Variants in CHTF18 observed in about 807,000 individuals in gnomAD.
CHTF18 encodes the protein chromosome transmission fidelity factor 18, also known as chromosome transmission fidelity protein 18 homolog.
A neutral mutation model predicts 113.4 loss-of-function variants in CHTF18; 151 were observed. That is an observed-to-expected ratio of 1.33 (90% CI 1.17 to 1.52). CHTF18 has a LOEUF of 1.52. Among genes scored for constraint, CHTF18 ranks in the 40% most tolerant of loss-of-function variants. CHTF18 has a pLI of 0.00. For synonymous variants in CHTF18, 916 were observed against 598.8 expected (o/e 1.53, Z -7.74); for missense variants, 1,982 against 1,381.6 (o/e 1.43, Z -6.89).
At position 796,859 on chromosome 16, in the gene CHTF18, C is replaced by G. The variant is rs544646994; in HGVS notation, c.2599C>G (p.Gln867Glu). The G allele has an allele frequency of 6.3e-7, 1 of 1,593,770 alleles. No homozygotes were observed. Among genetic ancestry groups the G allele is most frequent in the East Asian group, 2.3e-5 (1 of 44,356 alleles). ...TTCTGCCCGGGTAGAGAACAGCCCC[C>G]AGGTGAGCCCACCCAGGCTCTGGAG... ...EASARVENSP[Q>E]VDGSPPGLEG... Residue 867 changes from glutamine to glutamate, a missense_variant and splice_region_variant, in exon 19 of 22, where the codon CAG becomes GAG. Gln to Glu is a conservative substitution (Grantham distance 29, BLOSUM62 2). Transcript: ENST00000262315.
rs772010365 is a variant in CHTF18 at position 790,384 on chromosome 16, C to T, written c.737C>T (p.Ser246Leu). 2 of 1,612,308 alleles carry T rather than the reference C, an allele frequency of 1.2e-6. No homozygotes were observed. The highest frequency in any genetic ancestry group is 1.7e-6 in the Non-Finnish European group (2 of 1,179,752). The change falls in exon 6 of 22, where the codon TCA becomes TTA. Residue 246 changes from serine (S) to leucine (L), a missense_variant. Ser to Leu is a moderately radical substitution (Grantham distance 145). Transcript: ENST00000262315. ...ERLLQEAQKL[S>L]DTLHSLRSGE... ...CTGCTTCAGGAGGCCCAGAAGCTTT[C>T]AGACACCCTGCACAGGTGACTTGGT...
Position 795,990 on chromosome 16 carries a change from C to T in CHTF18, c.2369C>T (p.Ala790Val), listed in dbSNP as rs376802683. The T allele has an allele frequency of 4.6e-4, 733 of 1,608,728 alleles. No individual in the cohort carries two copies. Among genetic ancestry groups the T allele is most frequent in the Non-Finnish European group, 5.9e-4 (700 of 1,178,168 alleles). Residue 790 changes from alanine to valine, a missense_variant, in exon 18 of 22, where the codon GCC becomes GTC. Physicochemically the swap from Ala to Val is moderately conservative, Grantham distance 64. Transcript: ENST00000262315. Reference sequence around the variant, plus strand: ...AGCACCCGTGAAAAGCAACAGCTGGCCAGCCTGGTGGGCACGATGCTCGCT... The same window carrying T: ...AGCACCCGTGAAAAGCAACAGCTGGTCAGCCTGGTGGGCACGATGCTCGCT... ...LYSTREKQQL[A>V]SLVGTMLAYS...
At position 788,714 on chromosome 16, in the gene CHTF18, C is replaced by T. The variant is rs766147198; in HGVS notation, c.30C>T (p.Gly10=). MEDYEQELC[G]VEDDFHNQFA... is the part of the protein sequence containing the mutation. ...AGGACTACGAGCAGGAGCTGTGCGG[C>T]GTCGAGGATGATTTCCACAACCAGT... is the stretch of plus-strand genomic sequence containing the variant. Residue 10 remains glycine (G), a synonymous_variant, in exon 1 of 22, where the codon GGC becomes GGT. Transcript: ENST00000262315. 7.5e-6 allele frequency: 12 copies of T among 1,601,478 alleles called. No homozygotes were observed. Among genetic ancestry groups the T allele is most frequent in the East Asian group, 2.3e-5 (1 of 43,796 alleles).
intron 5 of CHTF18, 26 bp from the exon 6 acceptor site, chr16:790,321 C>G (rs1567393535): frequency 1.2e-6 from 2 of 1,611,852 alleles, no homozygotes; most frequent in African/African-American, 2.7e-5. Flanking sequence ...CTGAGCCCTC[C>G]TGATTCCAGC....
In CHTF18 at chr16:792,558, C is replaced by T. The variant is rs766007081; in HGVS notation, c.1446C>T (p.Leu482=). The change falls in exon 11 of 22, where the codon CTC becomes CTT. Residue 482 remains leucine, a synonymous_variant. Transcript: ENST00000262315. ...GRRRRAEGGL[L]MRPIICICND... Reference sequence around the variant, plus strand: ...GGCGCCGGGCAGAGGGGGGGCTCCTCATGAGGCCCATTATCTGCATTTGCA... The same window carrying T: ...GGCGCCGGGCAGAGGGGGGGCTCCTTATGAGGCCCATTATCTGCATTTGCA... 7.5e-6 allele frequency: 12 copies of T among 1,596,884 alleles called. No individual in the cohort carries two copies. Among genetic ancestry groups the T allele is most frequent in the Admixed American group, 7.3e-5 (4 of 54,652 alleles).
At chr16:792,200 C>T (rs756636241) in intron 9 of CHTF18, 24 bp from the exon 10 acceptor site, 55 of 1,560,712 alleles carry the variant, frequency 3.5e-5, no homozygotes, top group African/African-American at 8.2e-5. Flanking sequence ...ACTGCCCTGA[C>T]GACCCCTGAC....
In CHTF18 at chr16:790,387, A is replaced by G; in HGVS notation, c.740A>G (p.Asp247Gly). ...CTTCAGGAGGCCCAGAAGCTTTCAGACACCCTGCACAGGTGACTTGGTTGG... is the reference window on the plus strand; with the variant it reads ...CTTCAGGAGGCCCAGAAGCTTTCAGGCACCCTGCACAGGTGACTTGGTTGG... ...RLLQEAQKLS[D>G]TLHSLRSGEE... Residue 247 changes from aspartate (D) to glycine (G), a missense_variant, in exon 6 of 22, where the codon GAC (aspartate) becomes GGC (glycine). Transcript: ENST00000262315. 6.2e-7 allele frequency: 1 copy of G among 1,612,292 alleles called. No individual in the cohort carries two copies. The highest frequency in any genetic ancestry group is 1.1e-5 in the South Asian group (1 of 90,972).
chr16:789,632 G>T lies in CHTF18; in HGVS notation c.523G>T (p.Glu175Ter). The change falls in exon 4 of 22, where the codon GAG becomes TAG. Residue 175 changes from glutamate (E) to a stop codon, truncating the protein, a stop_gained. Transcript: ENST00000262315. LOFTEE classifies it high-confidence loss of function. The stretch of plus-strand genomic sequence containing the variant: ...CGTCCTGAGGCGGCCCCCCATCTTG[G>T]AGGACTACGTCCACGTGACATCCAC... ...NPVLRRPPIL[E>*]DYVHVTSTEG... 11 of 1,607,912 alleles carry T rather than the reference G, an allele frequency of 6.8e-6. No homozygotes were observed. The highest frequency in any genetic ancestry group is 9.3e-6 in the Non-Finnish European group (11 of 1,179,752).
Position 790,165 on chromosome 16 carries a change from C to T in CHTF18, c.607-12C>T, listed in dbSNP as rs764193564. 3.6e-5 allele frequency: 57 copies of T among 1,584,864 alleles called. 1 individual carries two copies. Among genetic ancestry groups the T allele is most frequent in the Non-Finnish European group, 4.2e-5 (49 of 1,166,920 alleles). ...GAGGGGCCCAGAGGCAATTGTCCTC[C>T]CTTCCCCACAGGGCTCTCTCCTCCA... is the stretch of plus-strand genomic sequence containing the variant. On this transcript the variant is annotated splice_polypyrimidine_tract_variant and intron_variant, in intron 4 of 21. Transcript: ENST00000262315.
chr16:795,708 G>A lies in CHTF18; in HGVS notation c.2199G>A (p.Met733Ile), dbSNP rs745907614. ...QQEAQNRMSQ[M>I]RNLIQTLVSG... ...AGGCCCAGAACCGGATGAGCCAGAT[G>A]AGGAACCTGATCCAGACGCTGGTGT... The change falls in exon 17 of 22, where the codon ATG becomes ATA. Residue 733 changes from methionine (M) to isoleucine (I), a missense_variant. Met to Ile is a conservative substitution (Grantham distance 10). Transcript: ENST00000262315. 1.2e-6 allele frequency: 2 copies of A among 1,603,214 alleles called. No homozygotes were observed. Among genetic ancestry groups the A allele is most frequent in the South Asian group, 2.2e-5 (2 of 90,368 alleles).
At chr16:793,929 G>A (rs1328756476) in intron 14 of CHTF18, 125 bp from the exon 15 acceptor site, 8 of 1,099,418 alleles carry the variant, frequency 7.3e-6, no homozygotes, top group South Asian at 5.9e-5. Context: ...GAGGCAGCAA[G>A]GGCCCTGCTG....
In CHTF18 at chr16:789,581, C is replaced by T. The variant is rs199581615; in HGVS notation, c.472C>T (p.Arg158Trp). Residue 158 changes from arginine (R) to tryptophan (W), a missense_variant, in exon 4 of 22, where the codon CGG (arginine) becomes TGG (tryptophan). Transcript: ENST00000262315. The part of the protein sequence containing the change: ...SEAAADVGLT[R>W]ASPAARNPVL... ...AGCTGCTGCCGACGTGGGTCTCACACGGGCCTCACCAGCTGCCCGCAATCC... is the reference window on the plus strand; with the variant it reads ...AGCTGCTGCCGACGTGGGTCTCACATGGGCCTCACCAGCTGCCCGCAATCC... The T allele has an allele frequency of 6.2e-6, 10 of 1,605,056 alleles. No individual in the cohort carries two copies. Among genetic ancestry groups the T allele is most frequent in the South Asian group, 4.4e-5 (4 of 90,420 alleles).
intron 1 of CHTF18, 66 bp downstream of exon 1, chr16:788,841 G>T: frequency 6.5e-7 from 1 of 1,531,162 alleles, no homozygotes; most frequent in African/African-American, 1.4e-5. Context: ...ACCTCGGGGA[G>T]GGCGTGCCGG....
chr16:790,419 C>T lies in CHTF18; in HGVS notation c.752+20C>T, dbSNP rs779039722. The T allele has an allele frequency of 5.0e-6, 8 of 1,612,212 alleles. No homozygotes were observed. The highest frequency in any genetic ancestry group is 1.6e-4 in the Middle Eastern group (1 of 6,062). On this transcript the variant is annotated intron_variant, in intron 6 of 21. Transcript: ENST00000262315. ...GCACAGGTGACTTGGTTGGCCCTTCCGCCCTGGGGACCCTTGTTGGCTCTT... is the reference window on the plus strand; with the variant it reads ...GCACAGGTGACTTGGTTGGCCCTTCTGCCCTGGGGACCCTTGTTGGCTCTT...
In CHTF18 at chr16:794,081, G is replaced by A; in HGVS notation, c.1830G>A (p.Leu610=). Residue 610 remains leucine (L), a synonymous_variant, in exon 15 of 22, where the codon CTG becomes CTA. Coordinates refer to ENST00000262315, the MANE Select transcript of CHTF18 (RefSeq NM_022092.3). ...GCCGTGTGGGCCAGGACCCCGCCCTGCCTGCTGACACACTCCTGCTGGGTG... is the reference window on the plus strand; with the variant it reads ...GCCGTGTGGGCCAGGACCCCGCCCTACCTGCTGACACACTCCTGCTGGGTG... ...QRRRVGQDPA[L]PADTLLLGDG... is the part of the protein sequence containing the mutation. The A allele has an allele frequency of 6.2e-7, 1 of 1,612,106 alleles. No homozygotes were observed. Among genetic ancestry groups the A allele is most frequent in the Non-Finnish European group, 8.5e-7 (1 of 1,179,698 alleles).
At chr16:790,454 C>T (rs779743553) in intron 6 of CHTF18, 55 bp downstream of exon 6, 47 of 1,610,174 alleles carry the variant, frequency 2.9e-5, no homozygotes, top group Non-Finnish European at 3.6e-5. Flanking sequence ...TGCACCAACT[C>T]CTAGCTCCTA....
In CHTF18 at chr16:795,997, G is replaced by T; in HGVS notation, c.2376G>T (p.Leu792=). The change falls in exon 18 of 22, where the codon CTG becomes CTT. Residue 792 remains leucine, a synonymous_variant. Coordinates refer to ENST00000262315, the MANE Select transcript of CHTF18 (RefSeq NM_022092.3). ...GTGAAAAGCAACAGCTGGCCAGCCT[G>T]GTGGGCACGATGCTCGCTTACAGCC... ...STREKQQLAS[L]VGTMLAYSLT... is the part of the protein sequence containing the mutation. 2 of 1,608,476 alleles carry T rather than the reference G, an allele frequency of 1.2e-6. No individual in the cohort carries two copies. The highest frequency in any genetic ancestry group is 2.2e-5 in the East Asian group (1 of 44,620).
At chr16:789,808 C>T (rs978989644) in intron 4 of CHTF18, 93 bp downstream of exon 4, 23 of 1,423,268 alleles carry the variant, frequency 1.6e-5, no homozygotes, top group Admixed American at 6.9e-5. Context: ...TTGCTTAAAG[C>T]GGGTCCTGTG....
intron 20 of CHTF18, 89 bp from the exon 21 acceptor site, chr16:797,605 C>G: frequency 6.9e-7 from 1 of 1,450,038 alleles, no homozygotes; most frequent in East Asian, 2.3e-5. Flanking sequence ...GGTCCCTCCT[C>G]CCTGGGAAGG....
Sources: gnomAD v4.1 joint callset for allele counts on GRCh38, gnomAD v4.1.1 for gene constraint, MANE v1.5 for transcripts, NCBI Gene and HGNC (gene_info 2026-07-23, HGNC 2026-07-21) for gene names.